Variants in SBF2 observed in about 807,000 individuals in gnomAD.
SBF2 encodes the protein myotubularin-related protein 13.
In SBF2, 112 loss-of-function variants were observed where a neutral mutation model predicts 225.2. The observed-to-expected ratio is 0.50, with a 90% confidence interval of 0.43 to 0.58. The LOEUF (loss-of-function observed/expected upper bound fraction) is 0.58, where lower values mean the gene tolerates loss of function less well. SBF2 is among the 20% of genes least tolerant of loss of function. The probability of loss-of-function intolerance (pLI) is 0.00; values close to 1 mark genes in which losing one functional copy is unlikely to be tolerated. For missense variants in SBF2, 1,996 were observed against 2,206.2 expected (o/e 0.90, Z 1.91); for synonymous variants, 763 against 773.3 (o/e 0.99, Z 0.22).
chr11:9,920,935 C>A (rs926217398), intron 16 of SBF2, among the ~76,000 whole-genome samples: 4 of 152,116 alleles, frequency 2.6e-5, no homozygotes, highest in African/African-American at 9.7e-5. Flanking sequence ...CCATTCATTG[C>A]ATACTTTGCC....
chr11:9,834,548 T>A (rs1324680010), intron 26 of SBF2, among the ~76,000 whole-genome samples: 1 of 152,210 alleles, frequency 6.6e-6, no homozygotes, highest in African/African-American at 2.4e-5. Flanking sequence ...ACTACTTTAC[T>A]GAATGCCAAA....
At chr11:10,267,940 T>G (rs1408837324) in intron 1 of SBF2, among the ~76,000 whole-genome samples, 3 of 152,222 alleles carry the variant, frequency 2.0e-5, no homozygotes, top group Non-Finnish European at 4.4e-5. Flanking sequence ...AAATGACTTT[T>G]ATTAACTCCA....
intron 17 of SBF2, among the ~76,000 whole-genome samples, chr11:9,884,275 T>C (rs1378937791): frequency 1.3e-5 from 2 of 152,200 alleles, no homozygotes; most frequent in African/African-American, 4.8e-5. Flanking sequence ...AAACTGTTTT[T>C]GTGAAATGCT....
intron 1 of SBF2, among the ~76,000 whole-genome samples, chr11:10,222,849 G>A (rs1421483303): frequency 6.6e-6 from 1 of 152,128 alleles, no homozygotes; most frequent in Non-Finnish European, 1.5e-5. Flanking sequence ...CACAAGCTTA[G>A]CATTCCAATA....
intron 1 of SBF2, among the ~76,000 whole-genome samples, chr11:10,237,563 T>A (rs1959124739): frequency 6.6e-6 from 1 of 152,238 alleles, no homozygotes; most frequent in Admixed American, 6.5e-5. Context: ...TGTCTTTTAC[T>A]TCTTTGAAAA....
At chr11:10,167,502 C>G (rs1956013586) in intron 2 of SBF2, among the ~76,000 whole-genome samples, 1 of 151,546 alleles carries the variant, frequency 6.6e-6, no homozygotes, top group South Asian at 2.1e-4. Context: ...TCAGGAGGTC[C>G]AGGTTGCAGT....
chr11:10,095,092 A>ATT (rs917475376), intron 2 of SBF2, among the ~76,000 whole-genome samples: 1 of 148,492 alleles, frequency 6.7e-6, no homozygotes. Flanking sequence ...GCCGAGCTAA[A>ATT]TTTTTTTTTT....
At position 10,106,057 on chromosome 11, in the gene SBF2, G is replaced by A. The variant is rs142745225; in HGVS notation, c.142-63076C>T. Among the ~76,000 whole-genome samples, 11 of 152,244 alleles carry A rather than the reference G, an allele frequency of 7.2e-5. No individual in the cohort carries two copies. The East Asian group carries it at 2.1e-3, about 29-fold the overall frequency. ...ATTATTATTACTATTTTAGACTCAG[G>A]AGGTATATGTGCAGGTTTGTTACAT... is the stretch of plus-strand genomic sequence containing the variant. On this transcript the variant is annotated intron_variant, in intron 2 of 39. Coordinates refer to ENST00000256190, the MANE Select transcript of SBF2 (RefSeq NM_030962.4).
chr11:9,986,028 T>C (rs1349619367), intron 13 of SBF2, among the ~76,000 whole-genome samples: 2 of 152,180 alleles, frequency 1.3e-5, no homozygotes, highest in Non-Finnish European at 2.9e-5. Flanking sequence ...GACCATATCA[T>C]AGGACATAAA....
chr11:9,817,818 C>T (rs1188257773), intron 28 of SBF2, among the ~76,000 whole-genome samples: 25 of 151,808 alleles, frequency 1.6e-4, no homozygotes, highest in African/African-American at 2.4e-4. Flanking sequence ...ATCACTTGAC[C>T]GCTGGAGGTG....
chr11:10,256,054 TA>T, intron 1 of SBF2, among the ~76,000 whole-genome samples: 1 of 152,204 alleles, frequency 6.6e-6, no homozygotes, highest in Non-Finnish European at 1.5e-5. Flanking sequence ...ATTGCCAAAC[TA>T]TATGCAGACT....
In SBF2 at chr11:9,823,516, AAAG is replaced by A. The variant is rs574561909; in HGVS notation, c.3793+5837_3793+5839del. On this transcript the variant is annotated intron_variant, in intron 28 of 39. Coordinates refer to ENST00000256190, the MANE Select transcript of SBF2 (RefSeq NM_030962.4). ...TAGGGGTTAGGGTAAAAAAAAAAAA[AAAG>A]AAGAAGAAGAATTAAATGATAGGAG... Among the ~76,000 whole-genome samples, 27 of 152,090 alleles carry A rather than the reference AAAG, an allele frequency of 1.8e-4. No homozygotes were observed. In the South Asian group the frequency reaches 2.1e-3, roughly 12 times the overall value.
chr11:9,884,561 T>C (rs982126026), intron 17 of SBF2, among the ~76,000 whole-genome samples: 1 of 152,220 alleles, frequency 6.6e-6, no homozygotes, highest in Non-Finnish European at 1.5e-5. Flanking sequence ...CCTACAGTTT[T>C]GGTGGCGTAC....
At chr11:10,246,449 A>T (rs1446179791) in intron 1 of SBF2, among the ~76,000 whole-genome samples, 1 of 151,962 alleles carries the variant, frequency 6.6e-6, no homozygotes, top group African/African-American at 2.4e-5. Context: ...ATGCCCAGCT[A>T]ATTTTGGTAT....
intron 5 of SBF2, 147 bp from the exon 6 acceptor site, chr11:10,028,704 A>T (rs965488711): frequency 7.5e-6 from 5 of 662,986 alleles, no homozygotes; most frequent in African/African-American, 7.2e-5. Context: ...TATATCCCAA[A>T]ACATTTAAGT....
intron 16 of SBF2, among the ~76,000 whole-genome samples, chr11:9,925,571 C>T (rs1863971545): frequency 3.3e-5 from 5 of 152,202 alleles, no homozygotes; most frequent in Admixed American, 3.3e-4. Context: ...CCACCGTGCC[C>T]GTCCACTAAT....
intron 30 of SBF2, 118 bp downstream of exon 30, chr11:9,812,414 G>T: frequency 9.5e-7 from 1 of 1,051,782 alleles, no homozygotes; most frequent in Non-Finnish European, 1.4e-6. Context: ...CACAATGAAG[G>T]AGGAGAATGT....
At chr11:10,127,771 C>T (rs956105611) in intron 2 of SBF2, among the ~76,000 whole-genome samples, 26 of 152,216 alleles carry the variant, frequency 1.7e-4, no homozygotes, top group African/African-American at 6.0e-4. Context: ...TGGCCTAACA[C>T]AGTGCTAAAT....
intron 28 of SBF2, among the ~76,000 whole-genome samples, chr11:9,822,256 C>T (rs1854796860): frequency 6.8e-6 from 1 of 146,896 alleles, no homozygotes; most frequent in African/African-American, 2.5e-5. Flanking sequence ...TGTAACTAAA[C>T]TCTTTTTTTT....
Sources: allele counts gnomAD v4.1 joint callset (sites outside exome capture counted in the v4.1 genomes callset), GRCh38; gene constraint gnomAD v4.1.1; transcripts MANE v1.5; gene names NCBI Gene and HGNC (gene_info 2026-07-23, HGNC 2026-07-21).